The following POLN variants were observed in gnomAD, a reference collection of about 807,000 sequenced individuals.
POLN encodes the protein DNA polymerase nu.
In POLN, 108 loss-of-function variants were observed where a neutral mutation model predicts 113.5. That is an observed-to-expected ratio of 0.95 (90% CI 0.81 to 1.12). The LOEUF (loss-of-function observed/expected upper bound fraction) is 1.12, where lower values mean the gene tolerates loss of function less well. POLN is among the 50% of genes most tolerant of loss of function. The pLI is 0.00. For missense variants in POLN, 1,097 were observed against 1,077.1 expected (o/e 1.02, Z -0.26); for synonymous variants, 386 against 391.5 (o/e 0.99, Z 0.17).
At chr4:2,170,896 C>T in intron 12 of POLN, 122 bp from the exon 13 acceptor site, 1 of 963,860 alleles carries the variant, frequency 1.0e-6, no homozygotes, top group Non-Finnish European at 1.6e-6. Flanking sequence ...TTACAACATG[C>T]TTAAATTCTC....
At chr4:2,184,674 G>A (rs1733227884) in intron 7 of POLN, among the ~76,000 whole-genome samples, 1 of 152,150 alleles carries the variant, frequency 6.6e-6, no homozygotes, top group Non-Finnish European at 1.5e-5. Flanking sequence ...TTTCACTAAT[G>A]TAACAGGGCT....
At chr4:2,222,718 T>C (rs1038798532) in intron 3 of POLN, among the ~76,000 whole-genome samples, 20 of 151,314 alleles carry the variant, frequency 1.3e-4, no homozygotes, top group African/African-American at 4.4e-4. Flanking sequence ...TTTTTATTTT[T>C]CCACAGGATC....
chr4:2,129,685 T>C (rs931057750), intron 17 of POLN, among the ~76,000 whole-genome samples: 2 of 152,226 alleles, frequency 1.3e-5, no homozygotes, highest in African/African-American at 4.8e-5. Flanking sequence ...CCATGGCGCC[T>C]GGCCTTATTA....
At chr4:2,169,241 T>C (rs962199636) in intron 13 of POLN, among the ~76,000 whole-genome samples, 8 of 152,150 alleles carry the variant, frequency 5.3e-5, no homozygotes, top group African/African-American at 1.7e-4. Context: ...CTAAGTGCAA[T>C]AGAAGCTACT....
At chr4:2,157,057 T>C (rs1732452815) in intron 15 of POLN, among the ~76,000 whole-genome samples, 3 of 152,130 alleles carry the variant, frequency 2.0e-5, no homozygotes, top group South Asian at 2.1e-4. Context: ...GAAGGAGGTT[T>C]CCCCCTAACC....
rs1307014566 is a variant in POLN at position 2,080,012 on chromosome 4, C to T, written c.2387+946G>A. The T allele has an allele frequency of 1.8e-5, 18 of 985,314 alleles. 1 individual carries two copies. The highest frequency in any genetic ancestry group is 1.9e-5 in the Non-Finnish European group (16 of 829,990). 61.0% of individuals were successfully genotyped at this position (985,314 alleles called of 1,614,324 possible). ...CCCTGGGGCAGTGCTTAGACCCCCA[C>T]GGGACTGTCGCCAAGAGCTTGAGGG... is the stretch of plus-strand genomic sequence containing the variant. On this transcript the variant is annotated intron_variant, in intron 23 of 25. Coordinates refer to ENST00000511885, the MANE Select transcript of POLN (RefSeq NM_181808.4).
chr4:2,157,972 G>A, intron 14 of POLN, 61 bp from the exon 15 acceptor site: 1 of 1,361,850 alleles, frequency 7.3e-7, no homozygotes, highest in Non-Finnish European at 1.0e-6. Context: ...TTTGTGGGGG[G>A]AAGGAGTCTC....
intron 18 of POLN, 78 bp downstream of exon 18, chr4:2,129,101 C>A: frequency 5.3e-6 from 5 of 943,844 alleles, no homozygotes; most frequent in Non-Finnish European, 8.1e-6. Flanking sequence ...GAATGAATTC[C>A]ATAAGTACCT....
At chr4:2,205,552 T>G (rs1192047081) in intron 5 of POLN, among the ~76,000 whole-genome samples, 1 of 152,100 alleles carries the variant, frequency 6.6e-6, no homozygotes, top group East Asian at 1.9e-4. Context: ...CCCGTCAAAA[T>G]ACCACCATCA....
chr4:2,159,529 T>A (rs754238955), intron 13 of POLN, among the ~76,000 whole-genome samples: 6 of 152,216 alleles, frequency 3.9e-5, no homozygotes, highest in Admixed American at 2.0e-4. Context: ...GCTCGATAAC[T>A]GCATAATTTC....
rs552940361 is a variant in POLN at position 2,242,101 on chromosome 4, G to A, written c.-334C>T. The A allele has an allele frequency of 4.1e-6, 4 of 985,772 alleles. No homozygotes were observed. Among genetic ancestry groups the A allele is most frequent in the Non-Finnish European group, 4.8e-6 (4 of 830,274 alleles). 61.1% of individuals were successfully genotyped at this position (985,772 alleles called of 1,614,324 possible). ...CAGGAGCCCGCCGCCACCGCCCTCC[G>A]TGCCCCGCGCGCCTCGCACTGCCTC... On this transcript the variant is annotated 5_prime_UTR_variant, in exon 1 of 26. It adds an upstream start codon to the 5' untranslated region. Transcript: ENST00000511885.
intron 19 of POLN, among the ~76,000 whole-genome samples, chr4:2,106,605 A>C (rs1731072259): frequency 6.6e-6 from 1 of 152,212 alleles, no homozygotes; most frequent in African/African-American, 2.4e-5. Flanking sequence ...AGTAAACAGA[A>C]AGCCCAGGGC....
intron 5 of POLN, among the ~76,000 whole-genome samples, chr4:2,201,482 C>G (rs1279600001): frequency 2.0e-5 from 3 of 151,126 alleles, no homozygotes; most frequent in African/African-American, 7.3e-5. Flanking sequence ...TCAAATTAAC[C>G]CAATCCAACA....
At chr4:2,137,524 G>GCCA (rs1233288157) in intron 16 of POLN, among the ~76,000 whole-genome samples, 1 of 152,178 alleles carries the variant, frequency 6.6e-6, no homozygotes, top group African/African-American at 2.4e-5. Context: ...CTGACCTGCA[G>GCCA]CCTGAAGGGC....
chr4:2,170,697 C>T lies in POLN; in HGVS notation c.1536G>A (p.Pro512=), dbSNP rs370000803. The change falls in exon 13 of 26, where the codon CCG becomes CCA. Residue 512 remains proline (P), a synonymous_variant. Transcript: ENST00000511885. The stretch of plus-strand genomic sequence containing the variant: ...ACCTTACCACTGCTTCTGATGTAGA[C>T]GGGTATTTCTGCAACCCCGTTCTGG... ...SLPRTGLQKY[P]STSEAVLNAL... The T allele has an allele frequency of 6.9e-5, 112 of 1,613,640 alleles. No homozygotes were observed. The highest frequency in any genetic ancestry group is 6.7e-5 in the Admixed American group (4 of 59,990).
chr4:2,161,317 A>C (rs899293743), intron 13 of POLN, among the ~76,000 whole-genome samples: 2 of 152,182 alleles, frequency 1.3e-5, no homozygotes, highest in African/African-American at 4.8e-5. Context: ...CTTGCAGGCC[A>C]GCTGGAGTTC....
intron 19 of POLN, among the ~76,000 whole-genome samples, chr4:2,108,555 G>T (rs1373019351): frequency 6.6e-6 from 1 of 152,160 alleles, no homozygotes; most frequent in Non-Finnish European, 1.5e-5. Context: ...TGTAAATTCG[G>T]TGAATTTTTC....
chr4:2,242,098 T>C lies in POLN; in HGVS notation c.-331A>G. The C allele has an allele frequency of 2.0e-6, 2 of 985,868 alleles. No homozygotes were observed. The highest frequency in any genetic ancestry group is 2.4e-6 in the Non-Finnish European group (2 of 830,276). 61.1% of individuals were successfully genotyped at this position (985,868 alleles called of 1,614,324 possible). On this transcript the variant is annotated 5_prime_UTR_variant, in exon 1 of 26. Coordinates refer to ENST00000511885, the MANE Select transcript of POLN (RefSeq NM_181808.4). Reference sequence around the variant, plus strand: ...TCGCAGGAGCCCGCCGCCACCGCCCTCCGTGCCCCGCGCGCCTCGCACTGC... The same window carrying C: ...TCGCAGGAGCCCGCCGCCACCGCCCCCCGTGCCCCGCGCGCCTCGCACTGC...
rs760144301 is a variant in POLN at position 2,159,135 on chromosome 4, G to T, written c.1611+20C>A. 3 of 1,568,418 alleles carry T rather than the reference G, an allele frequency of 1.9e-6. No individual in the cohort carries two copies. The South Asian group carries it at 3.3e-5, about 17-fold the overall frequency. ...CCCCTCATCACCTTTTACCTTTTAC[G>T]TACAAAAAAATTAACTTACCTGCCT... On this transcript the variant is annotated intron_variant, in intron 14 of 25. Transcript: ENST00000511885.
Sources: allele counts gnomAD v4.1 joint callset (sites outside exome capture counted in the v4.1 genomes callset), GRCh38; gene constraint gnomAD v4.1.1; transcripts MANE v1.5; gene names NCBI Gene and HGNC (gene_info 2026-07-23, HGNC 2026-07-21).